Variants in RASA2 observed in about 807,000 individuals in gnomAD.
RASA2 encodes RAS p21 protein activator 2.
In RASA2, 155 loss-of-function variants were observed where a neutral mutation model predicts 118.2. The observed-to-expected ratio is 1.31, with a 90% CI of 1.15 to 1.50. The LOEUF (loss-of-function observed/expected upper bound fraction) is 1.50, where lower values mean the gene tolerates loss of function less well. RASA2 is among the 40% of genes most tolerant of loss of function. The pLI is 0.00. For missense variants in RASA2, 1,016 were observed against 1,009.6 expected, an observed-to-expected ratio of 1.01 and a Z score of -0.09; for synonymous variants, 353 against 349.1, an observed-to-expected ratio of 1.01 and a Z score of -0.12.
chr3:141,521,161 A>G (rs2082106504), intron 3 of RASA2, among the ~76,000 whole-genome samples: 1 of 152,184 alleles, frequency 6.6e-6, no homozygotes. Flanking sequence ...GCTTAGAGAA[A>G]AGAGCTAGAG....
At chr3:141,608,727 G>A in intron 21 of RASA2, 30 bp downstream of exon 21, 2 of 1,583,068 alleles carry the variant, frequency 1.3e-6, no homozygotes, top group South Asian at 1.1e-5. Flanking sequence ...TAAAAGCAGT[G>A]TGTCAAAATT....
chr3:141,511,967 G>C (rs2081957771), intron 1 of RASA2, among the ~76,000 whole-genome samples, 196 bp from the exon 2 acceptor site: 1 of 151,876 alleles, frequency 6.6e-6, no homozygotes, highest in African/African-American at 2.4e-5. Context: ...GGGACCTCAA[G>C]CCACTTTACA....
At chr3:141,590,960 T>C (rs978913325) in intron 19 of RASA2, among the ~76,000 whole-genome samples, 13 of 152,222 alleles carry the variant, frequency 8.5e-5, no homozygotes, top group Non-Finnish European at 1.5e-5. Context: ...TAAATTAACA[T>C]GTAGCAAATG....
chr3:141,567,711 A>G (rs1435239572), intron 9 of RASA2, among the ~76,000 whole-genome samples: 1 of 152,190 alleles, frequency 6.6e-6, no homozygotes, highest in African/African-American at 2.4e-5. Context: ...TAAGAGAGGA[A>G]CAGAATAGAG....
chr3:141,592,182 G>A (rs1411759886), intron 19 of RASA2, among the ~76,000 whole-genome samples: 1 of 152,102 alleles, frequency 6.6e-6, no homozygotes, highest in South Asian at 2.1e-4. Context: ...ATATTAAAAG[G>A]TCTAACCAGG....
At chr3:141,568,989 A>T (rs1225613949) in intron 9 of RASA2, among the ~76,000 whole-genome samples, 1 of 152,122 alleles carries the variant, frequency 6.6e-6, no homozygotes, top group Non-Finnish European at 1.5e-5. Context: ...AGTATTGATC[A>T]TCTGGCTGCA....
At chr3:141,516,789 T>C (rs1407189650) in intron 3 of RASA2, among the ~76,000 whole-genome samples, 2 of 152,068 alleles carry the variant, frequency 1.3e-5, no homozygotes, top group African/African-American at 4.8e-5. Flanking sequence ...TGTTTTTTTT[T>C]TTGACACAGA....
chr3:141,515,089 T>C (rs547164930), intron 2 of RASA2, among the ~76,000 whole-genome samples: 71 of 152,306 alleles, frequency 4.7e-4, no homozygotes, highest in Admixed American at 9.2e-4. Context: ...TTGTATAAAT[T>C]TATCAGAAGT....
chr3:141,510,816 A>G (rs936348093), intron 1 of RASA2, among the ~76,000 whole-genome samples: 14 of 152,232 alleles, frequency 9.2e-5, no homozygotes, highest in African/African-American at 3.4e-4. Flanking sequence ...GAGATCAGAG[A>G]GACCATTAAG....
rs1472805583 is a variant in RASA2, at chr3:141,608,393, G to A, written c.2017-96G>A. 4 of 1,164,792 alleles carry A rather than the reference G, an allele frequency of 3.4e-6. No individual in the cohort carries two copies. The East Asian group carries it at 7.3e-5, about 21-fold the overall frequency. The allele number at this position is 1,164,792 out of a possible 1,614,324, so 72.2% of individuals were successfully genotyped here. A position where few individuals can be genotyped will look rare whatever the true frequency, so the allele number is the denominator to read the frequency against. ...ATCTTAGCACCAGTTATCTAGCCAA[G>A]CAACTAGATTCCTTTAGGTACTTTT... On this transcript the variant is annotated intron_variant, in intron 20 of 23. Transcript: ENST00000286364.
chr3:141,573,907 A>G, intron 13 of RASA2, 37 bp from the exon 14 acceptor site: 1 of 1,548,278 alleles, frequency 6.5e-7, no homozygotes, highest in Non-Finnish European at 8.8e-7. Flanking sequence ...ATGTGTGAAC[A>G]TCAAAATCTT....
At chr3:141,591,422 C>T (rs763043032) in intron 19 of RASA2, among the ~76,000 whole-genome samples, 19 of 152,220 alleles carry the variant, frequency 1.2e-4, no homozygotes, top group Non-Finnish European at 2.5e-4. Context: ...TCTTCAGCTA[C>T]GTGGCATTAC....
chr3:141,518,483 A>C (rs1577672392), intron 3 of RASA2, among the ~76,000 whole-genome samples: 1 of 20,682 alleles, frequency 4.8e-5, no homozygotes, highest in Non-Finnish European at 1.1e-4. Flanking sequence ...ACACCATCTC[A>C]AAAAAAAAAA....
rs552896049 is a variant in RASA2, at chr3:141,613,646, A to C, written c.*1333A>C. The C allele has an allele frequency of 1.3e-5, 2 of 152,274 alleles. No homozygotes were observed. The highest frequency in any genetic ancestry group is 4.8e-5 in the African/African-American group (2 of 41,560). 9.4% of individuals were successfully genotyped at this position (152,274 alleles called of 1,614,324 possible). A position where few individuals can be genotyped will look rare whatever the true frequency, so the allele number is the denominator to read the frequency against. The stretch of plus-strand genomic sequence containing the variant: ...TTCTGTTCAAAACTGTGACTTATTA[A>C]TGTAAGTCTGCTAGTAGTACTTTTT... On this transcript the variant is annotated 3_prime_UTR_variant, in exon 24 of 24. Transcript: ENST00000286364.
chr3:141,577,338 G>A (rs1204321423), intron 15 of RASA2, among the ~76,000 whole-genome samples: 1 of 152,052 alleles, frequency 6.6e-6, no homozygotes, highest in African/African-American at 2.4e-5. Flanking sequence ...AATTATTGAA[G>A]CTTGGTGATG....
At chr3:141,508,044 A>C (rs1359145920) in intron 1 of RASA2, among the ~76,000 whole-genome samples, 2 of 152,174 alleles carry the variant, frequency 1.3e-5, no homozygotes, top group Non-Finnish European at 1.5e-5. Flanking sequence ...AAGTTGAGAA[A>C]GTTTATAAAT....
At chr3:141,588,330 A>G (rs560950581) in intron 19 of RASA2, among the ~76,000 whole-genome samples, 5 of 152,224 alleles carry the variant, frequency 3.3e-5, no homozygotes, top group Non-Finnish European at 7.3e-5. Context: ...AAACTAGCAT[A>G]AATAAGTTTA....
intron 19 of RASA2, among the ~76,000 whole-genome samples, chr3:141,605,890 T>C (rs188944489): frequency 6.6e-6 from 1 of 152,292 alleles, no homozygotes; most frequent in African/African-American, 2.4e-5. Context: ...GTGCTGTTGC[T>C]TGTCTTCTGG....
At chr3:141,487,259 G>A in intron 1 of RASA2, 43 bp downstream of exon 1, 1 of 1,273,850 alleles carries the variant, frequency 7.9e-7, no homozygotes, top group South Asian at 2.8e-5. Flanking sequence ...GCGGCGCTGG[G>A]CGCGAGGCTG....
Sources: allele counts gnomAD v4.1 joint callset (sites outside exome capture counted in the v4.1 genomes callset), GRCh38; gene constraint gnomAD v4.1.1; transcripts MANE v1.5; gene names NCBI Gene and HGNC (gene_info 2026-07-23, HGNC 2026-07-21).